The following SLC19A2 variants were observed in gnomAD, a reference collection of about 807,000 sequenced individuals.
The protein encoded by SLC19A2 is solute carrier family 19 member 2.
Under a neutral mutation model 44.7 loss-of-function variants are expected in SLC19A2, and 27 were observed. The ratio of observed to expected loss-of-function variants is 0.60; its 90% CI spans 0.45 to 0.83. SLC19A2 has a LOEUF of 0.83. Among genes scored for constraint, SLC19A2 ranks in the 40% least tolerant of loss-of-function variants. The probability of loss-of-function intolerance (pLI) is 0.00; values close to 1 mark genes in which losing one functional copy is unlikely to be tolerated. For synonymous variants in SLC19A2, 239 were observed against 243.6 expected (o/e 0.98, Z 0.18); for missense variants, 566 against 613.7 (o/e 0.92, Z 0.82).
intron 3 of SLC19A2, among the ~76,000 whole-genome samples, chr1:169,469,693 CA>C (rs1233781968): frequency 6.6e-6 from 1 of 152,098 alleles, no homozygotes; most frequent in Non-Finnish European, 1.5e-5. Context: ...CCAGTAAATA[CA>C]GAGATAATGG....
chr1:169,468,315 T>C (rs1475603535), intron 4 of SLC19A2, 63 bp from the exon 5 acceptor site: 19 of 1,385,018 alleles, frequency 1.4e-5, no homozygotes, highest in Non-Finnish European at 1.9e-5. Flanking sequence ...TAATATTTAT[T>C]CTAAATAAAA....
chr1:169,478,027 C>G (rs1658365675), intron 1 of SLC19A2, among the ~76,000 whole-genome samples: 1 of 152,114 alleles, frequency 6.6e-6, no homozygotes, highest in South Asian at 2.1e-4. Context: ...CTGCCTCAGC[C>G]TCCCGAATAG....
Position 169,465,767 on chromosome 1 carries a change from G to T in SLC19A2, c.*82C>A. On this transcript the variant is annotated 3_prime_UTR_variant, in exon 6 of 6. Coordinates refer to ENST00000236137, the MANE Select transcript of SLC19A2 (RefSeq NM_006996.3). ...AAGAAATGCACATTCATAAATATAT[G>T]TCTACGCTTTAAAAAATCAAACACA... The T allele has an allele frequency of 1.4e-6, 2 of 1,463,496 alleles. No individual in the cohort carries two copies. Among genetic ancestry groups the T allele is most frequent in the Non-Finnish European group, 1.9e-6 (2 of 1,051,962 alleles). The allele number at this position is 1,463,496 out of a possible 1,614,324, so 90.7% of individuals were successfully genotyped here.
chr1:169,485,898 GCC>G lies in SLC19A2; in HGVS notation c.-134_-133del. 3 of 1,057,900 alleles carry G rather than the reference GCC, an allele frequency of 2.8e-6. No homozygotes were observed. Among genetic ancestry groups the G allele is most frequent in the Non-Finnish European group, 4.0e-6 (3 of 754,454 alleles). 65.5% of individuals were successfully genotyped at this position (1,057,900 alleles called of 1,614,324 possible). ...AAGGCCAGGACGTTCTGGACTCGCC[GCC>G]GCCTCCGGCTACAGAACCCCCAGCT... On this transcript the variant is annotated 5_prime_UTR_variant, in exon 1 of 6. Transcript: ENST00000236137.
At chr1:169,485,480 C>G in intron 1 of SLC19A2, 83 bp downstream of exon 1, 1 of 1,465,366 alleles carries the variant, frequency 6.8e-7, no homozygotes, top group Non-Finnish European at 9.3e-7. Flanking sequence ...GGCTCGAGCG[C>G]TTTTCTCGGT....
chr1:169,476,853 C>A (rs1186479092), intron 2 of SLC19A2, among the ~76,000 whole-genome samples: 1 of 152,166 alleles, frequency 6.6e-6, no homozygotes, highest in Non-Finnish European at 1.5e-5. Flanking sequence ...ATATGCCAAA[C>A]ACTCAAAAGA....
chr1:169,466,953 G>C (rs751643111), intron 5 of SLC19A2, among the ~76,000 whole-genome samples: 7 of 152,120 alleles, frequency 4.6e-5, no homozygotes, highest in Non-Finnish European at 1.0e-4. Context: ...TTAAATCACT[G>C]AGCCAGTTTC....
intron 1 of SLC19A2, among the ~76,000 whole-genome samples, chr1:169,483,011 ATC>A (rs1446143179): frequency 7.2e-5 from 11 of 152,228 alleles, no homozygotes. Context: ...AGAGATAAAG[ATC>A]TGTTTTACTG....
At chr1:169,473,128 G>A (rs898537953) in intron 2 of SLC19A2, among the ~76,000 whole-genome samples, 9 of 152,078 alleles carry the variant, frequency 5.9e-5, no homozygotes, top group African/African-American at 9.7e-5. Context: ...AGATTTTGAC[G>A]CTGTTTTATA....
chr1:169,467,308 T>C (rs6656822), intron 5 of SLC19A2, among the ~76,000 whole-genome samples: 110,274 of 152,108 alleles, frequency 0.72, 40,149 homozygotes, highest in East Asian at 0.94. Flanking sequence ...ATCTTCTTCA[T>C]GTCTAATACA....
Position 169,477,252 on chromosome 1 carries a change from A to G in SLC19A2, c.710T>C (p.Ile237Thr), listed in dbSNP as rs746480467. 1 of 1,614,196 alleles carries G rather than the reference A, an allele frequency of 6.2e-7. No individual in the cohort carries two copies. The highest frequency in any genetic ancestry group is 8.5e-7 in the Non-Finnish European group (1 of 1,180,012). ...VNGIKVQNGGIVTDTPASNHL... is the reference protein window; with the variant it reads ...VNGIKVQNGGTVTDTPASNHL... ...GTTAGAAGCTGGGGTGTCAGTAACAATGCCACCATTTTGTACCTTGATGCC... is the reference window on the plus strand; with the variant it reads ...GTTAGAAGCTGGGGTGTCAGTAACAGTGCCACCATTTTGTACCTTGATGCC... Residue 237 changes from isoleucine (I) to threonine (T), a missense_variant, in exon 2 of 6, where the codon ATT (isoleucine) becomes ACT (threonine). Coordinates refer to ENST00000236137, the MANE Select transcript of SLC19A2 (RefSeq NM_006996.3).
chr1:169,469,862 T>C, intron 3 of SLC19A2, 102 bp downstream of exon 3: 2 of 1,053,936 alleles, frequency 1.9e-6, no homozygotes, highest in South Asian at 1.3e-5. Context: ...TTTTTGAGGC[T>C]ATTTCAAATT....
chr1:169,475,856 G>A (rs2101779849), intron 2 of SLC19A2, among the ~76,000 whole-genome samples: 1 of 152,272 alleles, frequency 6.6e-6, no homozygotes, highest in East Asian at 1.9e-4. Context: ...GAAGAACGGG[G>A]ATAGAGAAAA....
chr1:169,484,340 T>C (rs7414819), intron 1 of SLC19A2, among the ~76,000 whole-genome samples: 13,018 of 152,308 alleles, frequency 0.085, 753 homozygotes, highest in Admixed American at 0.19. Flanking sequence ...TTCTGACCTG[T>C]TATGCAGGGT....
rs552366444 is a variant in SLC19A2, at chr1:169,470,079, A to G, written c.915T>C (p.Ser305=). 1.9e-6 allele frequency: 3 copies of G among 1,614,074 alleles called. No individual in the cohort carries two copies. Among genetic ancestry groups the G allele is most frequent in the Admixed American group, 3.3e-5 (2 of 60,014 alleles). ...LLCWSVWWAL[S]TCGYFQVVNY... is the part of the protein sequence containing the mutation. The stretch of plus-strand genomic sequence containing the variant: ...TCACAACTTGAAAATAGCCACAGGT[A>G]GAGAGGGCCCACCACACAGACCAGC... The change falls in exon 3 of 6, where the codon TCT becomes TCC. Residue 305 remains serine, a synonymous_variant. Coordinates refer to ENST00000236137, the MANE Select transcript of SLC19A2 (RefSeq NM_006996.3).
In SLC19A2 at chr1:169,468,705, C is replaced by T. The variant is rs1316461339; in HGVS notation, c.1162G>A (p.Val388Met). ...AAGACAACATAGGATGCATAGCACA[C>T]CCAAATGTTACCCACAGTGTCCATG... Reference protein sequence around the residue: ...YIMDTVGNIWVCYASYVVFRI... With the variant: ...YIMDTVGNIWMCYASYVVFRI... The change falls in exon 4 of 6, where the codon GTG becomes ATG. Residue 388 changes from valine to methionine, a missense_variant. Physicochemically the swap from Val to Met is conservative, Grantham distance 21. Transcript: ENST00000236137. The T allele has an allele frequency of 6.2e-7, 1 of 1,613,774 alleles. No individual in the cohort carries two copies. Among genetic ancestry groups the T allele is most frequent in the South Asian group, 1.1e-5 (1 of 91,056 alleles).
At chr1:169,472,031 C>G (rs1181754231) in intron 2 of SLC19A2, among the ~76,000 whole-genome samples, 1 of 152,166 alleles carries the variant, frequency 6.6e-6, no homozygotes, top group Non-Finnish European at 1.5e-5. Flanking sequence ...AGTACCGACA[C>G]TTGAAAATTC....
rs1571529947 is a variant in SLC19A2, at chr1:169,466,057, C to G, written c.1366-80G>C. On this transcript the variant is annotated intron_variant, in intron 5 of 5. Transcript: ENST00000236137. The stretch of plus-strand genomic sequence containing the variant: ...TAATAAAGTATATTCAGAATTTGTC[C>G]ATAAAGCCTCAAAAAATATTGCATA... 8 of 1,551,460 alleles carry G rather than the reference C, an allele frequency of 5.2e-6. No individual in the cohort carries two copies. The East Asian group carries it at 1.6e-4, about 31-fold the overall frequency.
rs201145413 is a variant in SLC19A2 at position 169,477,353 on chromosome 1, A to G, written c.609T>C (p.Ala203=). 3.3e-5 allele frequency: 54 copies of G among 1,614,100 alleles called. No individual in the cohort carries two copies. The highest frequency in any genetic ancestry group is 4.2e-5 in the Non-Finnish European group (50 of 1,180,052). Residue 203 remains alanine, a synonymous_variant, in exon 2 of 6, where the codon GCT becomes GCC. Transcript: ENST00000236137. ...GTGGCATAGGTAAAAACCAGGCCAC[A>G]GCAAAAGCCACTGAAACACAGGTAA... is the stretch of plus-strand genomic sequence containing the variant. ...ISLTCVSVAF[A]VAWFLPMPQK...
Sources: gnomAD v4.1 joint callset for allele counts (sites outside exome capture counted in the v4.1 genomes callset) on GRCh38, gnomAD v4.1.1 for gene constraint, MANE v1.5 for transcripts, NCBI Gene and HGNC (gene_info 2026-07-23, HGNC 2026-07-21) for gene names.